CACNG5: variants seen among roughly 807,000 people sequenced by gnomAD.
CACNG5 encodes calcium voltage-gated channel auxiliary subunit gamma 5, also known as voltage-dependent calcium channel gamma-5 subunit.
In CACNG5, 18 loss-of-function variants were observed where a neutral mutation model predicts 24.8. The observed-to-expected ratio is 0.73, with a 90% CI of 0.50 to 1.08. The LOEUF (loss-of-function observed/expected upper bound fraction) is 1.08. Ranked by LOEUF, CACNG5 falls within the 50% of genes least tolerant of loss-of-function variation. The pLI is 0.00. For synonymous variants in CACNG5, 157 were observed against 149.1 expected (o/e 1.05, Z -0.39); for missense variants, 349 against 367.9 (o/e 0.95, Z 0.42).
At chr17:66,867,231 T>C (rs1386106799) in intron 1 of CACNG5, among the ~76,000 whole-genome samples, 1 of 152,022 alleles carries the variant, frequency 6.6e-6, no homozygotes, top group African/African-American at 2.4e-5. Flanking sequence ...TGATGTTGAG[T>C]TTTTTTTCAT....
chr17:66,867,936 A>G (rs116911872), intron 1 of CACNG5, among the ~76,000 whole-genome samples: 5,430 of 152,234 alleles, frequency 0.036, 159 homozygotes, highest in East Asian at 0.075. Context: ...TTTGCTTAGG[A>G]TTGACCTTCC....
rs370150340 is a variant in CACNG5 at position 66,889,602 on chromosome 17, A to G, written c.*4362A>G. ...TGTGGAGACTTGGTGAGTACAACCA[A>G]AATCTGATGGCAGAGGCTGGTTGGG... On this transcript the variant is annotated 3_prime_UTR_variant, in exon 6 of 6. Transcript: ENST00000533854. Among the ~76,000 whole-genome samples the G allele has an allele frequency of 3.8e-4, 58 of 152,326 alleles. No individual in the cohort carries two copies. The South Asian group carries it at 0.012, about 31-fold the overall frequency.
Position 66,885,222 on chromosome 17 carries a change from G to A in CACNG5, c.810G>A (p.Met270Ile), listed in dbSNP as rs1367679209. Reference sequence around the variant, plus strand: ...TCAAGTGCCCCGACTATGATCAGATGTCCTCTTCACCCTGCTGAGCCTCGG... The same window carrying A: ...TCAAGTGCCCCGACTATGATCAGATATCCTCTTCACCCTGCTGAGCCTCGG... The part of the protein sequence containing the change: ...ALLKCPDYDQ[M>I]SSSPC Residue 270 changes from methionine to isoleucine, a missense_variant, in exon 6 of 6, where the codon ATG (methionine) becomes ATA (isoleucine). Coordinates refer to ENST00000533854, the MANE Select transcript of CACNG5 (RefSeq NM_145811.3). The A allele has an allele frequency of 1.9e-6, 3 of 1,594,564 alleles. No homozygotes were observed. The highest frequency in any genetic ancestry group is 2.2e-5 in the South Asian group (2 of 89,414).
intron 1 of CACNG5, among the ~76,000 whole-genome samples, chr17:66,846,643 T>A (rs1332102899): frequency 6.6e-6 from 1 of 152,214 alleles, no homozygotes; most frequent in Admixed American, 6.5e-5. Flanking sequence ...TGGAATATTA[T>A]CTCGCCATAA....
chr17:66,837,085 T>A (rs953835317), intron 1 of CACNG5, among the ~76,000 whole-genome samples: 3 of 152,210 alleles, frequency 2.0e-5, no homozygotes, highest in African/African-American at 7.2e-5. Context: ...GTAAGATGGG[T>A]CTGGCAGGGG....
chr17:66,854,255 C>A (rs535682161), intron 1 of CACNG5, among the ~76,000 whole-genome samples: 1 of 152,168 alleles, frequency 6.6e-6, no homozygotes, highest in African/African-American at 2.4e-5. Flanking sequence ...TGGTGAAACC[C>A]CGTCTCTACT....
intron 1 of CACNG5, among the ~76,000 whole-genome samples, chr17:66,850,455 C>T (rs1203718119): frequency 6.6e-6 from 1 of 152,128 alleles, no homozygotes; most frequent in Non-Finnish European, 1.5e-5. Context: ...AAAGCCATCC[C>T]AGGGAGAGGG....
At chr17:66,881,958 G>A (rs749440966) in intron 4 of CACNG5, among the ~76,000 whole-genome samples, 23 of 152,214 alleles carry the variant, frequency 1.5e-4, no homozygotes, top group Non-Finnish European at 2.5e-4. Context: ...TTATGGATTC[G>A]GGACTTTAGG....
At chr17:66,853,018 C>T (rs947127270) in intron 1 of CACNG5, among the ~76,000 whole-genome samples, 9 of 151,662 alleles carry the variant, frequency 5.9e-5, no homozygotes, top group Non-Finnish European at 1.3e-4. Context: ...CTTCTCTTCT[C>T]TTCTCACCAT....
In CACNG5 at chr17:66,888,480, C is replaced by A. The variant is rs961860781; in HGVS notation, c.*3240C>A. Among the ~76,000 whole-genome samples the A allele has an allele frequency of 7.3e-6, 1 of 137,322 alleles. No individual in the cohort carries two copies. Among genetic ancestry groups the A allele is most frequent in the Non-Finnish European group, 1.5e-5 (1 of 65,904 alleles). 90.1% of individuals were successfully genotyped at this position (137,322 alleles called of 152,430 possible). ...AATGGCGTGAACCTGGGAGGCAGAG[C>A]TTGCAGTGAGCCGAGATCGCACCAC... is the stretch of plus-strand genomic sequence containing the variant. On this transcript the variant is annotated 3_prime_UTR_variant, in exon 6 of 6. Transcript: ENST00000533854.
chr17:66,857,394 T>C (rs9899239), intron 1 of CACNG5, among the ~76,000 whole-genome samples: 132 of 152,252 alleles, frequency 8.7e-4, no homozygotes, highest in African/African-American at 3.1e-3. Context: ...CACTGTCCAA[T>C]AGGAATGTAA....
At chr17:66,846,185 G>A (rs745387585) in intron 1 of CACNG5, among the ~76,000 whole-genome samples, 6 of 152,098 alleles carry the variant, frequency 3.9e-5, no homozygotes, top group African/African-American at 1.4e-4. Flanking sequence ...TTAAATCGTG[G>A]TGAATCATAT....
At chr17:66,846,556 C>T (rs868469012) in intron 1 of CACNG5, among the ~76,000 whole-genome samples, 12 of 152,306 alleles carry the variant, frequency 7.9e-5, no homozygotes, top group African/African-American at 1.4e-4. Context: ...TTGCAGCATG[C>T]GTCCGTGCTT....
At chr17:66,841,905 C>G (rs1431869234) in intron 1 of CACNG5, among the ~76,000 whole-genome samples, 1 of 152,182 alleles carries the variant, frequency 6.6e-6, no homozygotes, top group East Asian at 1.9e-4. Flanking sequence ...TCCTCTAGCA[C>G]CAGAGCTCAA....
chr17:66,847,558 T>A (rs1438163268), intron 1 of CACNG5, among the ~76,000 whole-genome samples: 1 of 68,892 alleles, frequency 1.5e-5, no homozygotes, highest in Non-Finnish European at 2.8e-5. Context: ...CCCCCATGAC[T>A]CAACTACCTC....
At chr17:66,884,811 G>C (rs550136262) in intron 5 of CACNG5, 150 bp downstream of exon 5, 1 of 1,613,286 alleles carries the variant, frequency 6.2e-7, no homozygotes, top group Admixed American at 1.7e-5. Flanking sequence ...CCCAGAATGT[G>C]TCACTGTCTT....
At chr17:66,884,279 C>A (rs1977212886) in intron 4 of CACNG5, among the ~76,000 whole-genome samples, 1 of 152,206 alleles carries the variant, frequency 6.6e-6, no homozygotes, top group Non-Finnish European at 1.5e-5. Flanking sequence ...TAGCCCATGG[C>A]TTAGGAGGGC....
intron 1 of CACNG5, among the ~76,000 whole-genome samples, chr17:66,874,292 A>G (rs1035899794): frequency 5.9e-5 from 9 of 152,208 alleles, no homozygotes; most frequent in African/African-American, 4.8e-5. Context: ...CTCTTCCTCC[A>G]TGTTATCCAG....
chr17:66,844,888 G>A (rs947059089), intron 1 of CACNG5, among the ~76,000 whole-genome samples: 1 of 152,196 alleles, frequency 6.6e-6, no homozygotes, highest in African/African-American at 2.4e-5. Flanking sequence ...CTTGGAATTT[G>A]TGAAAGGCGA....
Sources: allele counts gnomAD v4.1 joint callset (sites outside exome capture counted in the v4.1 genomes callset), GRCh38; gene constraint gnomAD v4.1.1; transcripts MANE v1.5; gene names NCBI Gene and HGNC (gene_info 2026-07-23, HGNC 2026-07-21).